CADPS: variants seen among roughly 807,000 people sequenced by gnomAD.
CADPS encodes the protein calcium-dependent secretion activator 1.
CADPS carries 57 observed loss-of-function variants against 167.3 expected under a neutral mutation model. That is an observed-to-expected ratio of 0.34 (90% CI 0.28 to 0.42). The LOEUF (loss-of-function observed/expected upper bound fraction) is 0.42, where lower values mean the gene tolerates loss of function less well. Among genes scored for constraint, CADPS ranks in the 20% least tolerant of loss-of-function variants. The pLI, the probability that CADPS is intolerant of heterozygous loss-of-function variation, is 1.00. For synonymous variants in CADPS, 676 were observed against 635.3 expected, an observed-to-expected ratio of 1.06 and a Z score of -0.96; for missense variants, 1,414 against 1,738.1, an observed-to-expected ratio of 0.81 and a Z score of 3.32.
intron 1 of CADPS, among the ~76,000 whole-genome samples, chr3:62,862,766 TAA>T: frequency 6.6e-6 from 1 of 152,356 alleles, no homozygotes; most frequent in East Asian, 1.9e-4. Flanking sequence ...AGCAATTTTT[TAA>T]AAAGTCTAAA....
Position 62,650,853 on chromosome 3 carries a change from T to C in CADPS, c.1197A>G (p.Ser399=). The C allele has an allele frequency of 6.2e-6, 10 of 1,613,490 alleles. No homozygotes were observed. The highest frequency in any genetic ancestry group is 1.1e-5 in the South Asian group (1 of 91,030). ...LSKSDVVLSF[S]LEVVIMEVQG... ...AGGGCTCAGGGCTTTTTACCTCCAATGAGAAAGACAGCACGACATCTGACT... is the reference window on the plus strand; with the variant it reads ...AGGGCTCAGGGCTTTTTACCTCCAACGAGAAAGACAGCACGACATCTGACT... The change falls in exon 5 of 30, where the codon TCA becomes TCG. Residue 399 remains serine, a synonymous_variant. Coordinates refer to ENST00000383710, the MANE Select transcript of CADPS (RefSeq NM_003716.4).
intron 3 of CADPS, among the ~76,000 whole-genome samples, chr3:62,698,467 C>T (rs951290417): frequency 6.6e-6 from 1 of 152,034 alleles, no homozygotes; most frequent in Non-Finnish European, 1.5e-5. Flanking sequence ...TAGTTTCTGT[C>T]TGCAAATACC....
In CADPS at chr3:62,689,881, T is replaced by C. The variant is rs898488156; in HGVS notation, c.889-27487A>G. ...CAATGAGAGATGAGGGGGGGCGGCG[T>C]TCTAGCAGGAGAAAACAGGAAAAGC... On this transcript the variant is annotated intron_variant, in intron 3 of 29. Transcript: ENST00000383710. 2.0e-5 allele frequency among the ~76,000 whole-genome samples: 3 copies of C among 151,972 alleles called. No homozygotes were observed. In the East Asian group the frequency reaches 5.8e-4, roughly 30 times the overall value.
chr3:62,718,994 G>A (rs965976254), intron 3 of CADPS, among the ~76,000 whole-genome samples: 2 of 152,182 alleles, frequency 1.3e-5, no homozygotes, highest in African/African-American at 2.4e-5. Flanking sequence ...TTTCGTGAGG[G>A]GAAGGAATCA....
intron 8 of CADPS, among the ~76,000 whole-genome samples, chr3:62,583,217 C>G (rs142941654): frequency 1.3e-5 from 2 of 151,034 alleles, no homozygotes; most frequent in Non-Finnish European, 2.9e-5. Flanking sequence ...CACTCATGTG[C>G]TGGTTCCTTT....
chr3:62,576,118 G>A (rs910903398), intron 8 of CADPS, among the ~76,000 whole-genome samples: 9 of 152,188 alleles, frequency 5.9e-5, no homozygotes, highest in African/African-American at 2.2e-4. Flanking sequence ...ACTACAGGCA[G>A]ATCTATTTGT....
intron 3 of CADPS, among the ~76,000 whole-genome samples, chr3:62,666,931 T>A (rs892310288): frequency 6.6e-6 from 1 of 152,146 alleles, no homozygotes; most frequent in African/African-American, 2.4e-5. Flanking sequence ...AGTTTCTGCA[T>A]CTGCAGAGTG....
At chr3:62,439,425 A>C (rs748085306) in intron 27 of CADPS, 1 of 152,206 alleles carries the variant, frequency 6.6e-6, no homozygotes, top group Non-Finnish European at 1.5e-5. Flanking sequence ...ACAAGGTATT[A>C]ATTTGAAAAA....
chr3:62,641,089 T>G (rs888666022), intron 6 of CADPS, among the ~76,000 whole-genome samples: 2 of 152,222 alleles, frequency 1.3e-5, no homozygotes, highest in Admixed American at 1.3e-4. Context: ...ATTGATTCAC[T>G]TTTTAAATGT....
chr3:62,554,338 G>A lies in CADPS; in HGVS notation c.1753+3067C>T, dbSNP rs2077769218. Among the ~76,000 whole-genome samples, 3 of 152,172 alleles carry A rather than the reference G, an allele frequency of 2.0e-5. No homozygotes were observed. The South Asian group carries it at 6.2e-4, about 32-fold the overall frequency. On this transcript the variant is annotated intron_variant, in intron 10 of 29. Coordinates refer to ENST00000383710, the MANE Select transcript of CADPS (RefSeq NM_003716.4). ...CCAAACAGGTAGAGTTTATTTAGTG[G>A]AAATGCTTGTGTCTGGGGGAACCAC... is the stretch of plus-strand genomic sequence containing the variant.
At position 62,403,138 on chromosome 3, in the gene CADPS, G is replaced by C. The variant is rs150776949; in HGVS notation, c.3825C>G (p.Asp1275Glu). The C allele has an allele frequency of 6.2e-7, 1 of 1,613,542 alleles. No individual in the cohort carries two copies. Among genetic ancestry groups the C allele is most frequent in the African/African-American group, 1.3e-5 (1 of 74,974 alleles). ...AAATATGAAGCTGTAAGTCCATCCG[G>C]TCCGTCAACCAGGTGCAGATCACGT... ...SMNVICTWLT[D>E]RMDLQLHIYQ... The change falls in exon 29 of 30, where the codon GAC (aspartate) becomes GAG (glutamate). Residue 1275 changes from aspartate (D) to glutamate (E), a missense_variant. Coordinates refer to ENST00000383710, the MANE Select transcript of CADPS (RefSeq NM_003716.4).
chr3:62,549,149 CTATT>C (rs1383696681), intron 11 of CADPS, among the ~76,000 whole-genome samples: 1 of 152,174 alleles, frequency 6.6e-6, no homozygotes, highest in Non-Finnish European at 1.5e-5. Context: ...GCAAAAGACT[CTATT>C]TAGAATGAAT....
At chr3:62,764,220 T>C (rs559327388) in intron 2 of CADPS, among the ~76,000 whole-genome samples, 1 of 152,260 alleles carries the variant, frequency 6.6e-6, no homozygotes, top group Non-Finnish European at 1.5e-5. Context: ...GAAAATTAAT[T>C]TCATTCCCAG....
At chr3:62,646,826 C>T (rs1318478267) in intron 5 of CADPS, among the ~76,000 whole-genome samples, 2 of 152,032 alleles carry the variant, frequency 1.3e-5, no homozygotes, top group Non-Finnish European at 2.9e-5. Context: ...GACAATAATT[C>T]AAATAGGGAG....
chr3:62,538,181 T>A (rs2075078227), intron 11 of CADPS, among the ~76,000 whole-genome samples: 1 of 152,116 alleles, frequency 6.6e-6, no homozygotes, highest in African/African-American at 2.4e-5. Context: ...CAACTTGAGG[T>A]TGGCTGCTTC....
At chr3:62,803,208 C>T (rs932099880) in intron 1 of CADPS, among the ~76,000 whole-genome samples, 1 of 152,050 alleles carries the variant, frequency 6.6e-6, no homozygotes. Flanking sequence ...TATCCACTAG[C>T]TGGGGAAGGA....
intron 1 of CADPS, among the ~76,000 whole-genome samples, chr3:62,799,357 C>A (rs1303578611): frequency 1.3e-5 from 2 of 152,122 alleles, no homozygotes; most frequent in African/African-American, 4.8e-5. Flanking sequence ...TGGAGGCAGA[C>A]TACCTAGATT....
chr3:62,592,639 G>T lies in CADPS; in HGVS notation c.1435C>A (p.Arg479=). The change falls in exon 7 of 30, where the codon CGG becomes AGG. Residue 479 remains arginine, a splice_region_variant and synonymous_variant. Transcript: ENST00000383710. ...CCCTTGTGATAAGAAGTGCTTACCCGCCCAAGCTCCTTGTCCTCCAACGCC... is the reference window on the plus strand; with the variant it reads ...CCCTTGTGATAAGAAGTGCTTACCCTCCCAAGCTCCTTGTCCTCCAACGCC... The part of the protein sequence containing the change: ...VLALEDKELG[R]VILHPTPNSP... The T allele has an allele frequency of 6.2e-7, 1 of 1,612,208 alleles. No homozygotes were observed.
chr3:62,780,615 G>T (rs2091385022), intron 1 of CADPS, among the ~76,000 whole-genome samples: 1 of 152,114 alleles, frequency 6.6e-6, no homozygotes, highest in South Asian at 2.1e-4. Flanking sequence ...TCATTAACTT[G>T]TAGAATACTG....
Sources: allele counts gnomAD v4.1 joint callset (sites outside exome capture counted in the v4.1 genomes callset), GRCh38; gene constraint gnomAD v4.1.1; transcripts MANE v1.5; gene names NCBI Gene and HGNC (gene_info 2026-07-23, HGNC 2026-07-21).